The following ST18 variants were observed in gnomAD, a reference collection of about 807,000 sequenced individuals.
ST18 encodes suppression of tumorigenicity 18 protein.
In ST18, 50 loss-of-function variants were observed where a neutral mutation model predicts 110.0. The observed-to-expected ratio is 0.45, with a 90% CI of 0.36 to 0.58. The LOEUF (loss-of-function observed/expected upper bound fraction) is 0.58, where lower values mean the gene tolerates loss of function less well. Among genes scored for constraint, ST18 ranks in the 20% least tolerant of loss-of-function variants. The pLI, the probability that ST18 is intolerant of heterozygous loss-of-function variation, is 0.00. For synonymous variants in ST18, 461 were observed against 452.4 expected, an observed-to-expected ratio of 1.02 and a Z score of -0.24; for missense variants, 1,306 against 1,280.1, an observed-to-expected ratio of 1.02 and a Z score of -0.31.
rs1331654710 is a variant in ST18, at chr8:52,151,062, T to C, written c.1807-1085A>G. 2.6e-5 allele frequency: 4 copies of C among 152,350 alleles called. No homozygotes were observed. The East Asian group carries it at 7.7e-4, about 29-fold the overall frequency. The allele number at this position is 152,350 out of a possible 1,614,324, so 9.4% of individuals were successfully genotyped here. A position where few individuals can be genotyped will look rare whatever the true frequency, so the allele number is the denominator to read the frequency against. On this transcript the variant is annotated intron_variant, in intron 15 of 25. Transcript: ENST00000689386. ...CATCCATCAATTTAAAATTAACTTC[T>C]TGACAATTTGGCTACTCTCTTTTTT...
chr8:52,160,643 A>G (rs1242378003), intron 14 of ST18, among the ~76,000 whole-genome samples: 1 of 152,226 alleles, frequency 6.6e-6, no homozygotes, highest in East Asian at 1.9e-4. Flanking sequence ...ATTGGTTCCC[A>G]ATATTTACTT....
intron 2 of ST18, among the ~76,000 whole-genome samples, chr8:52,385,360 G>C (rs1836201671): frequency 6.6e-6 from 1 of 152,172 alleles, no homozygotes; most frequent in East Asian, 1.9e-4. Context: ...AGCACTTTGG[G>C]AGGCCAAGGC....
chr8:52,221,850 G>GT (rs1011960581), intron 3 of ST18, 57 bp from the exon 4 acceptor site: 5 of 151,218 alleles, frequency 3.3e-5, no homozygotes, highest in East Asian at 2.0e-4. Flanking sequence ...TGCACATGAT[G>GT]TAAGAATTGA....
chr8:52,357,587 G>T (rs1823327268), intron 2 of ST18, among the ~76,000 whole-genome samples: 1 of 146,182 alleles, frequency 6.8e-6, no homozygotes, highest in South Asian at 2.2e-4. Context: ...AGACACAAAA[G>T]ACATTGTTTA....
At chr8:52,263,668 C>T (rs534463457) in intron 2 of ST18, among the ~76,000 whole-genome samples, 19 of 146,610 alleles carry the variant, frequency 1.3e-4, no homozygotes, top group South Asian at 1.1e-3. Flanking sequence ...TAGTCTTGAA[C>T]TCCTGACCTT....
chr8:52,291,238 C>G (rs1018272535), intron 2 of ST18, among the ~76,000 whole-genome samples: 1 of 152,186 alleles, frequency 6.6e-6, no homozygotes, highest in African/African-American at 2.4e-5. Context: ...ATTTTTCAAC[C>G]AACGCCTTTT....
chr8:52,213,302 G>A (rs111926301), intron 7 of ST18, among the ~76,000 whole-genome samples: 3 of 152,210 alleles, frequency 2.0e-5, no homozygotes, highest in African/African-American at 7.2e-5. Flanking sequence ...GCTCAAACAG[G>A]CATTAACTAT....
chr8:52,211,936 T>C, intron 8 of ST18, 143 bp downstream of exon 8: 1 of 761,764 alleles, frequency 1.3e-6, no homozygotes, highest in East Asian at 2.5e-5. Flanking sequence ...GCCTTCTTGG[T>C]GCATACACAA....
At chr8:52,373,606 C>T (rs150099891) in intron 2 of ST18, among the ~76,000 whole-genome samples, 2 of 152,120 alleles carry the variant, frequency 1.3e-5, no homozygotes, top group Admixed American at 6.5e-5. Context: ...CCAATACCCC[C>T]ACCCCAAACC....
At chr8:52,122,829 A>AT (rs5891449) in intron 23 of ST18, among the ~76,000 whole-genome samples, 17 of 151,272 alleles carry the variant, frequency 1.1e-4, no homozygotes, top group Non-Finnish European at 2.4e-4. Context: ...AAATTGTACT[A>AT]TTTTTTTTTA....
intron 2 of ST18, among the ~76,000 whole-genome samples, chr8:52,271,870 C>T (rs2138916783): frequency 6.6e-6 from 1 of 152,286 alleles, no homozygotes; most frequent in South Asian, 2.1e-4. Context: ...TTGGTCTATT[C>T]ACTTCTTAAA....
chr8:52,408,479 G>A (rs1845304301), intron 2 of ST18, among the ~76,000 whole-genome samples: 1 of 152,166 alleles, frequency 6.6e-6, no homozygotes, highest in Admixed American at 6.5e-5. Context: ...ACAGAAAACT[G>A]TACAACCCTG....
At chr8:52,143,763 AT>A (rs2056206189) in intron 16 of ST18, among the ~76,000 whole-genome samples, 1 of 152,230 alleles carries the variant, frequency 6.6e-6, no homozygotes, top group South Asian at 2.1e-4. Context: ...CCAAAGAAAT[AT>A]TGCAAAAATG....
chr8:52,119,510 A>T (rs1158642393), intron 23 of ST18, among the ~76,000 whole-genome samples: 3 of 152,150 alleles, frequency 2.0e-5, no homozygotes, highest in South Asian at 2.1e-4. Flanking sequence ...CTGGGCTCTT[A>T]TACTTTCCTA....
At chr8:52,282,935 C>A (rs73679033) in intron 2 of ST18, among the ~76,000 whole-genome samples, 1 of 151,982 alleles carries the variant, frequency 6.6e-6, no homozygotes, top group Admixed American at 6.6e-5. Context: ...ATGTGATGTG[C>A]GCTTTTAAAG....
At chr8:52,221,160 A>C (rs980338108) in intron 4 of ST18, among the ~76,000 whole-genome samples, 4 of 151,358 alleles carry the variant, frequency 2.6e-5, no homozygotes, top group Admixed American at 2.6e-4. Flanking sequence ...TTACTTCTTC[A>C]ATTTAGTTGG....
At chr8:52,338,255 A>T (rs578018297) in intron 2 of ST18, among the ~76,000 whole-genome samples, 106 of 151,896 alleles carry the variant, frequency 7.0e-4, no homozygotes, top group Non-Finnish European at 1.3e-3. Context: ...ATAGAGTTTC[A>T]CCATGTTGGC....
chr8:52,144,569 C>T (rs1244436274), intron 16 of ST18, among the ~76,000 whole-genome samples: 2 of 152,058 alleles, frequency 1.3e-5, no homozygotes, highest in Admixed American at 6.5e-5. Context: ...TACATTGGTA[C>T]ACTGTCTCAA....
chr8:52,299,990 G>T (rs972541386), intron 2 of ST18, among the ~76,000 whole-genome samples: 1 of 152,180 alleles, frequency 6.6e-6, no homozygotes, highest in Non-Finnish European at 1.5e-5. Flanking sequence ...AGACCACAGC[G>T]TTGGCAGATA....
Sources: allele counts gnomAD v4.1 joint callset (sites outside exome capture counted in the v4.1 genomes callset), GRCh38; gene constraint gnomAD v4.1.1; transcripts MANE v1.5; gene names NCBI Gene and HGNC (gene_info 2026-07-23, HGNC 2026-07-21).